Variants in SDCCAG8 observed in about 807,000 individuals in gnomAD.
The protein encoded by SDCCAG8 is SHH signaling and ciliogenesis regulator SDCCAG8, also known as serologically defined colon cancer antigen 8.
SDCCAG8 carries 74 observed loss-of-function variants against 101.8 expected under a neutral mutation model. The observed-to-expected ratio is 0.73, with a 90% CI of 0.60 to 0.88. SDCCAG8 has a LOEUF of 0.88. Among genes scored for constraint, SDCCAG8 ranks in the 40% least tolerant of loss-of-function variants. SDCCAG8 has a pLI of 0.00. For missense variants in SDCCAG8, 787 were observed against 822.6 expected (o/e 0.96, Z 0.53); for synonymous variants, 281 against 292.9 (o/e 0.96, Z 0.41).
intron 16 of SDCCAG8, among the ~76,000 whole-genome samples, chr1:243,481,641 G>A (rs140287854): frequency 1.4e-4 from 22 of 152,220 alleles, no homozygotes; most frequent in Non-Finnish European, 2.6e-4. Flanking sequence ...GGAAGACGCC[G>A]CTCCCAGGGA....
At chr1:243,334,812 TC>T (rs955799119) in intron 10 of SDCCAG8, among the ~76,000 whole-genome samples, 2 of 152,132 alleles carry the variant, frequency 1.3e-5, no homozygotes, top group Admixed American at 1.3e-4. Context: ...GATCGCGAAC[TC>T]CTGGGGTCAA....
At position 243,344,237 on chromosome 1, in the gene SDCCAG8, A is replaced by G; in HGVS notation, c.1379A>G (p.Gln460Arg). The change falls in exon 12 of 18, where the codon CAG becomes CGG. Residue 460 changes from glutamine to arginine, a missense_variant. Coordinates refer to ENST00000366541, the MANE Select transcript of SDCCAG8 (RefSeq NM_006642.5). ...CAGGTGTGTGGAGAAATGCGCTATC[A>G]GCTGAATAAAACCAACATGGAGAAG... is the stretch of plus-strand genomic sequence containing the variant. ...VTKVCGEMRY[Q>R]LNKTNMEKDE... 2 of 1,613,974 alleles carry G rather than the reference A, an allele frequency of 1.2e-6. No homozygotes were observed. The highest frequency in any genetic ancestry group is 4.5e-5 in the East Asian group (2 of 44,852).
intron 3 of SDCCAG8, among the ~76,000 whole-genome samples, chr1:243,272,200 C>T (rs888142086): frequency 6.6e-6 from 1 of 152,188 alleles, no homozygotes; most frequent in African/African-American, 2.4e-5. Flanking sequence ...ATAAACATAA[C>T]ATGCATAGCA....
rs565225696 is a variant in SDCCAG8, at chr1:243,296,788, C to T, written c.675+3569C>T. ...GACCTCGTGATCCGCCCGCCTCGGCCTCCCAAAGTGCTGGGATTACAGGCG... is the reference window on the plus strand; with the variant it reads ...GACCTCGTGATCCGCCCGCCTCGGCTTCCCAAAGTGCTGGGATTACAGGCG... On this transcript the variant is annotated intron_variant, in intron 6 of 17. Coordinates refer to ENST00000366541, the MANE Select transcript of SDCCAG8 (RefSeq NM_006642.5). Among the ~76,000 whole-genome samples the T allele has an allele frequency of 3.0e-3, 456 of 151,986 alleles. 4 individuals carry two copies. The highest frequency in any genetic ancestry group is 0.011 in the African/African-American group (445 of 41,490).
At chr1:243,435,200 C>T (rs148801595) in intron 16 of SDCCAG8, among the ~76,000 whole-genome samples, 35 of 152,266 alleles carry the variant, frequency 2.3e-4, no homozygotes, top group South Asian at 6.2e-4. Flanking sequence ...TAGTATGCAT[C>T]GTACGTAACA....
chr1:243,414,658 G>C (rs2080440747), intron 13 of SDCCAG8, among the ~76,000 whole-genome samples: 1 of 152,280 alleles, frequency 6.6e-6, no homozygotes, highest in South Asian at 2.1e-4. Flanking sequence ...AGTAGTGATA[G>C]CTTTATGGAA....
intron 16 of SDCCAG8, among the ~76,000 whole-genome samples, chr1:243,452,603 A>G (rs750117563): frequency 6.6e-6 from 1 of 151,362 alleles, no homozygotes; most frequent in Non-Finnish European, 1.5e-5. Context: ...ATATATGTAT[A>G]TATTTTAGAA....
rs1359949313 is a variant in SDCCAG8, at chr1:243,474,260, T to C, written c.1986-14754T>C. ...ACTTGGGACGTGAGCATGGAGTTAA[T>C]GAAGCTTTCACCCATCTCCTCCTCT... On this transcript the variant is annotated intron_variant, in intron 16 of 17. Coordinates refer to ENST00000366541, the MANE Select transcript of SDCCAG8 (RefSeq NM_006642.5). This position sits in a 1 kb window ranked among gnomAD's most constrained non-coding sequence, Gnocchi z 4.7. 6.6e-6 allele frequency among the ~76,000 whole-genome samples: 1 copy of C among 152,170 alleles called. No homozygotes were observed. The highest frequency in any genetic ancestry group is 2.4e-5 in the African/African-American group (1 of 41,452).
chr1:243,349,272 T>C (rs1397725594), intron 12 of SDCCAG8, among the ~76,000 whole-genome samples: 2 of 152,328 alleles, frequency 1.3e-5, no homozygotes, highest in Middle Eastern at 3.4e-3. Flanking sequence ...CATAAAAAAG[T>C]GTTAGCCAAC....
chr1:243,383,884 T>C (rs75940779), intron 13 of SDCCAG8, among the ~76,000 whole-genome samples: 8,132 of 152,188 alleles, frequency 0.053, 338 homozygotes, highest in African/African-American at 0.11. Flanking sequence ...CTCCCCTTTT[T>C]CCCTCCATTT....
intron 4 of SDCCAG8, 33 bp downstream of exon 4, chr1:243,274,689 A>G (rs1423846874): frequency 1.6e-6 from 2 of 1,248,234 alleles, no homozygotes; most frequent in Non-Finnish European, 2.3e-6. Flanking sequence ...AAAACTAAAT[A>G]AATGAAAGCT....
intron 16 of SDCCAG8, among the ~76,000 whole-genome samples, chr1:243,440,947 T>C (rs1558473349): frequency 1.3e-5 from 2 of 152,208 alleles, no homozygotes; most frequent in Non-Finnish European, 2.9e-5. Context: ...TTCCTGGTGA[T>C]ATTTTCTGGG....
intron 12 of SDCCAG8, among the ~76,000 whole-genome samples, chr1:243,354,231 C>A (rs1440197720): frequency 6.6e-6 from 1 of 152,194 alleles, no homozygotes. Flanking sequence ...GGAAGTATTT[C>A]TTTGCCCCTC....
At chr1:243,375,419 T>G (rs2077543222) in intron 12 of SDCCAG8, among the ~76,000 whole-genome samples, 1 of 152,116 alleles carries the variant, frequency 6.6e-6, no homozygotes, top group African/African-American at 2.4e-5. Context: ...AGTTAACATA[T>G]GCCCATGATT....
chr1:243,398,717 G>A (rs1251530904), intron 13 of SDCCAG8, among the ~76,000 whole-genome samples: 2 of 152,128 alleles, frequency 1.3e-5, no homozygotes, highest in African/African-American at 2.4e-5. Context: ...TTGAAAGACA[G>A]TAAAAAGAAA....
At chr1:243,386,000 G>T (rs1313216024) in intron 13 of SDCCAG8, among the ~76,000 whole-genome samples, 1 of 152,126 alleles carries the variant, frequency 6.6e-6, no homozygotes, top group Non-Finnish European at 1.5e-5. Context: ...CAATATATTC[G>T]TCTTAGTATC....
intron 16 of SDCCAG8, among the ~76,000 whole-genome samples, chr1:243,483,593 C>T (rs1003124796): frequency 6.6e-6 from 1 of 152,210 alleles, no homozygotes; most frequent in Admixed American, 6.5e-5. Flanking sequence ...CCCGCCAGCC[C>T]AGCCCCTCAC....
chr1:243,414,428 G>A (rs759457033), intron 13 of SDCCAG8, among the ~76,000 whole-genome samples: 35 of 152,084 alleles, frequency 2.3e-4, no homozygotes, highest in African/African-American at 7.2e-4. Flanking sequence ...ACCACATCCC[G>A]GGGGGAGGTG....
At chr1:243,321,631 T>C (rs775819254) in intron 9 of SDCCAG8, among the ~76,000 whole-genome samples, 5 of 152,212 alleles carry the variant, frequency 3.3e-5, no homozygotes, top group Non-Finnish European at 5.9e-5. Flanking sequence ...AATCTGCCAT[T>C]TATGGGCACC....
Sources: allele counts gnomAD v4.1 joint callset (sites outside exome capture counted in the v4.1 genomes callset), GRCh38; gene constraint gnomAD v4.1.1; non-coding constraint Gnocchi (gnomAD v3.1); transcripts MANE v1.5; gene names NCBI Gene and HGNC (gene_info 2026-07-23, HGNC 2026-07-21).